Variants in MYO16 observed in about 807,000 individuals in gnomAD.
MYO16 encodes the protein unconventional myosin-XVI.
A neutral mutation model predicts 205.3 loss-of-function variants in MYO16; 94 were observed. That is an observed-to-expected ratio of 0.46 (90% CI 0.39 to 0.54). The LOEUF (loss-of-function observed/expected upper bound fraction) is 0.54. MYO16 is among the 20% of genes least tolerant of loss of function. MYO16 has a pLI of 0.00. For missense variants in MYO16, 2,315 were observed against 2,387.5 expected (o/e 0.97, Z 0.63); for synonymous variants, 988 against 954.0 (o/e 1.04, Z -0.66).
chr13:109,155,438 G>A (rs774334595), intron 32 of MYO16, among the ~76,000 whole-genome samples: 5 of 152,168 alleles, frequency 3.3e-5, no homozygotes, highest in Admixed American at 1.3e-4. Flanking sequence ...AGCCCAGCCC[G>A]AGACATTTAA....
the MYO16 span, among the ~76,000 whole-genome samples, chr13:108,528,375 C>G: frequency 6.6e-6 from 1 of 152,072 alleles, no homozygotes; most frequent in Non-Finnish European, 1.5e-5. Context: ...GGATGACAAA[C>G]GTTAGGTCTG....
intron 23 of MYO16, among the ~76,000 whole-genome samples, chr13:109,035,398 T>A (rs536755841): frequency 6.6e-6 from 1 of 152,178 alleles, no homozygotes; most frequent in African/African-American, 2.4e-5. Flanking sequence ...TAAAATGCAC[T>A]GTAGGCCGGG....
At chr13:108,606,171 ATGT>A (rs1229498324) in intron 1 of MYO16, among the ~76,000 whole-genome samples, 2 of 152,214 alleles carry the variant, frequency 1.3e-5, no homozygotes, top group East Asian at 1.9e-4. Context: ...TTGCAGCCTA[ATGT>A]TGTGATAGAA....
chr13:109,044,138 GA>G (rs34531006), intron 23 of MYO16, among the ~76,000 whole-genome samples: 28,617 of 149,516 alleles, frequency 0.19, 2,830 homozygotes, highest in Non-Finnish European at 0.23. Flanking sequence ...TGACTATGAT[GA>G]AAAAAAAAAT....
At chr13:109,097,269 C>T (rs907914504) in intron 27 of MYO16, among the ~76,000 whole-genome samples, 1 of 152,014 alleles carries the variant, frequency 6.6e-6, no homozygotes, top group Non-Finnish European at 1.5e-5. Flanking sequence ...GCAGAGGTTG[C>T]GGTCAGCCGA....
the MYO16 span, among the ~76,000 whole-genome samples, chr13:108,549,038 A>G: frequency 4.6e-3 from 701 of 152,324 alleles, 6 homozygotes; most frequent in African/African-American, 0.016. Flanking sequence ...TGCACTGAAC[A>G]TACACGAGGG....
chr13:108,977,514 G>A (rs1312078638), intron 20 of MYO16, among the ~76,000 whole-genome samples: 1 of 152,066 alleles, frequency 6.6e-6, no homozygotes, highest in Non-Finnish European at 1.5e-5. Flanking sequence ...TGGGCTTTAT[G>A]CAATCATATA....
intron 2 of MYO16, among the ~76,000 whole-genome samples, chr13:108,688,203 A>G (rs1882755960): frequency 6.6e-6 from 1 of 151,938 alleles, no homozygotes; most frequent in Non-Finnish European, 1.5e-5. Flanking sequence ...GAGCCTTGTA[A>G]TTTTTTTCCC....
chr13:109,079,325 T>C (rs992958273), intron 27 of MYO16, among the ~76,000 whole-genome samples: 14 of 152,232 alleles, frequency 9.2e-5, no homozygotes, highest in African/African-American at 3.4e-4. Context: ...TATTGCTCCA[T>C]CATGGCTGCA....
In MYO16 at chr13:108,711,470, C is replaced by T. The variant is rs755531224; in HGVS notation, c.293-1191C>T. Among the ~76,000 whole-genome samples the T allele has an allele frequency of 1.6e-4, 24 of 152,332 alleles. No homozygotes were observed. The Middle Eastern group carries it at 0.01, about 65-fold the overall frequency. ...CAAGGGTGCGCTGATGTAAGGAAAG[C>T]GTGGCCAGGATGCACGGGGCAGGGC... On this transcript the variant is annotated intron_variant, in intron 2 of 34. Transcript: ENST00000457511.
At chr13:109,061,828 A>T (rs1887603605) in intron 27 of MYO16, among the ~76,000 whole-genome samples, 1 of 116,442 alleles carries the variant, frequency 8.6e-6, no homozygotes, top group African/African-American at 3.0e-5. Flanking sequence ...CAACAAAATG[A>T]GGTGCACCTG....
chr13:108,958,764 C>A (rs953317503), intron 17 of MYO16, among the ~76,000 whole-genome samples: 3 of 152,188 alleles, frequency 2.0e-5, no homozygotes, highest in Non-Finnish European at 4.4e-5. Context: ...AGAGAAACCT[C>A]TCAGAATTCC....
chr13:108,777,974 A>C (rs1886176415), intron 4 of MYO16, among the ~76,000 whole-genome samples: 1 of 152,166 alleles, frequency 6.6e-6, no homozygotes, highest in African/African-American at 2.4e-5. Flanking sequence ...AATTATTCAT[A>C]TCCAGTCTCT....
At chr13:108,940,964 T>G (rs968573197) in intron 16 of MYO16, among the ~76,000 whole-genome samples, 6 of 152,244 alleles carry the variant, frequency 3.9e-5, no homozygotes, top group Non-Finnish European at 7.3e-5. Context: ...AGGAGTATAA[T>G]GTGTCTGTAG....
intron 1 of MYO16, among the ~76,000 whole-genome samples, chr13:108,605,777 T>C (rs755788131): frequency 9.2e-5 from 14 of 152,130 alleles, no homozygotes; most frequent in Non-Finnish European, 1.8e-4. Context: ...GGTACCAGGG[T>C]AGTGGGGCGC....
At chr13:109,018,228 A>T (rs2139508800) in intron 22 of MYO16, among the ~76,000 whole-genome samples, 1 of 152,292 alleles carries the variant, frequency 6.6e-6, no homozygotes, top group Non-Finnish European at 1.5e-5. Flanking sequence ...CAGGTCTCTC[A>T]GCTGCAGGTC....
Position 109,052,416 on chromosome 13 carries a change from A to G in MYO16, c.2989A>G (p.Lys997Glu). ...AGGACATAAGTCTGCCCTGCTCAGT[A>G]AGAAAATGACAGCTTCTTCAATTAT... ...FRGHKSALLS[K>E]KMTASSIIGE... The change falls in exon 25 of 35, where the codon AAG (lysine) becomes GAG (glutamate). Residue 997 changes from lysine to glutamate, a missense_variant. By Grantham distance (56) the Lys-to-Glu change is moderately conservative (BLOSUM62 1). Around this residue, in one of 3 missense-constraint regions of MYO16, gnomAD observed 1,213 missense variants for 1,274.4 expected, o/e 0.95. Coordinates refer to ENST00000457511, the MANE Select transcript of MYO16 (RefSeq NM_001198950.3). 1 of 1,612,792 alleles carries G rather than the reference A, an allele frequency of 6.2e-7. No individual in the cohort carries two copies. Among genetic ancestry groups the G allele is most frequent in the South Asian group, 1.1e-5 (1 of 90,994 alleles).
intron 12 of MYO16, among the ~76,000 whole-genome samples, chr13:108,871,156 TTA>T (rs1879033872): frequency 6.6e-6 from 1 of 152,184 alleles, no homozygotes; most frequent in African/African-American, 2.4e-5. Context: ...CAGATGTCTG[TTA>T]TATGATTTTT....
intron 22 of MYO16, among the ~76,000 whole-genome samples, chr13:109,014,647 C>T (rs554965963): frequency 1.3e-5 from 2 of 152,132 alleles, no homozygotes; most frequent in East Asian, 3.9e-4. Context: ...TTTCATTGAG[C>T]AGTGGTTTGT....
Sources: gnomAD v4.1 joint callset for allele counts (sites outside exome capture counted in the v4.1 genomes callset) on GRCh38, gnomAD v4.1.1 for gene constraint, gnomAD v4.1.1 regional missense constraint, MANE v1.5 for transcripts, NCBI Gene and HGNC (gene_info 2026-07-23, HGNC 2026-07-21) for gene names.